The following SEZ6L variants were observed in gnomAD, a reference collection of about 807,000 sequenced individuals.
SEZ6L encodes seizure related 6 homolog like, also known as seizure 6-like protein.
In SEZ6L, 37 loss-of-function variants were observed where a neutral mutation model predicts 106.2. The ratio of observed to expected loss-of-function variants is 0.35; its 90% confidence interval spans 0.27 to 0.46. SEZ6L has a LOEUF of 0.46. SEZ6L is among the 20% of genes least tolerant of loss of function. SEZ6L has a pLI of 1.00. For missense variants in SEZ6L, 1,172 were observed against 1,332.8 expected (o/e 0.88, Z 1.88); for synonymous variants, 541 against 570.4 (o/e 0.95, Z 0.73).
At chr22:26,172,591 A>C (rs1938700125) in intron 1 of SEZ6L, among the ~76,000 whole-genome samples, 1 of 152,190 alleles carries the variant, frequency 6.6e-6, no homozygotes, top group African/African-American at 2.4e-5. Context: ...GGGGCGCTCC[A>C]AGATCTAGCT....
intron 9 of SEZ6L, among the ~76,000 whole-genome samples, chr22:26,327,033 G>T (rs62225711): frequency 0.1 from 15,629 of 152,132 alleles, 1,128 homozygotes; most frequent in Admixed American, 0.24. Context: ...CAGGGCTTTC[G>T]CCAGGGGAGG....
chr22:26,305,220 G>C (rs1393436893), intron 5 of SEZ6L, among the ~76,000 whole-genome samples: 7 of 152,098 alleles, frequency 4.6e-5, no homozygotes, highest in Admixed American at 4.6e-4. Context: ...ATTCATCTTG[G>C]TGTTTTTTTT....
rs1476256952 is a variant in SEZ6L at position 26,347,829 on chromosome 22, C to T, written c.2323C>T (p.Pro775Ser). 1 of 1,605,984 alleles carries T rather than the reference C, an allele frequency of 6.2e-7. No homozygotes were observed. Among genetic ancestry groups the T allele is most frequent in the Admixed American group, 1.7e-5 (1 of 58,130 alleles). ...AGCCAGAATCACCTACCAGTGTGAC[C>T]CCGGCTATGACATCGTGGGGAGTGA... ...RGARITYQCDPGYDIVGSDTL... is the reference protein window; with the variant it reads ...RGARITYQCDSGYDIVGSDTL... The change falls in exon 11 of 17, where the codon CCC (proline) becomes TCC (serine). Residue 775 changes from proline to serine, a missense_variant. Physicochemically the swap from Pro to Ser is moderately conservative, Grantham distance 74 (BLOSUM62 -1). This residue lies in a region of SEZ6L where 534 missense variants were observed against 691.0 expected (regional missense o/e 0.77). Transcript: ENST00000248933.
intron 9 of SEZ6L, among the ~76,000 whole-genome samples, chr22:26,328,851 G>C (rs565938479): frequency 6.6e-6 from 1 of 152,256 alleles, no homozygotes; most frequent in South Asian, 2.1e-4. Flanking sequence ...GTCAGGGCTG[G>C]GTCTCATTCA....
intron 6 of SEZ6L, among the ~76,000 whole-genome samples, chr22:26,307,194 A>T (rs1010701300): frequency 2.6e-5 from 4 of 152,170 alleles, no homozygotes; most frequent in Admixed American, 2.6e-4. Flanking sequence ...TGGATGAGAG[A>T]TGTGATGAGG....
chr22:26,374,500 G>A (rs2084150511), intron 14 of SEZ6L, among the ~76,000 whole-genome samples: 1 of 152,192 alleles, frequency 6.6e-6, no homozygotes, highest in Non-Finnish European at 1.5e-5. Context: ...GGCACTTCGT[G>A]TTAGTCTCCA....
intron 5 of SEZ6L, among the ~76,000 whole-genome samples, chr22:26,300,677 G>A (rs889671580): frequency 6.6e-5 from 10 of 152,278 alleles, no homozygotes; most frequent in African/African-American, 2.2e-4. Context: ...CCCAGTAATG[G>A]GATTGCTGGG....
At chr22:26,224,047 G>A (rs76037988) in intron 1 of SEZ6L, among the ~76,000 whole-genome samples, 3,659 of 152,146 alleles carry the variant, frequency 0.024, 150 homozygotes, top group African/African-American at 0.083. Context: ...GTGGGTTATC[G>A]TCATTGAATA....
intron 1 of SEZ6L, among the ~76,000 whole-genome samples, chr22:26,212,461 C>T (rs2078188707): frequency 2.6e-5 from 4 of 152,324 alleles, no homozygotes; most frequent in African/African-American, 7.2e-5. Flanking sequence ...CTCACTGTTT[C>T]ACCCAGGATA....
At chr22:26,308,896 C>T (rs537319039) in intron 6 of SEZ6L, among the ~76,000 whole-genome samples, 2 of 152,180 alleles carry the variant, frequency 1.3e-5, no homozygotes, top group African/African-American at 4.8e-5. Flanking sequence ...AGAGGTGTCC[C>T]AACACACAGC....
chr22:26,289,196 A>C (rs149962132), intron 1 of SEZ6L, among the ~76,000 whole-genome samples: 1 of 152,308 alleles, frequency 6.6e-6, no homozygotes, highest in East Asian at 1.9e-4. Context: ...GTTGTATCCA[A>C]GTACTTTGTG....
At chr22:26,204,391 G>A (rs918625311) in intron 1 of SEZ6L, among the ~76,000 whole-genome samples, 26 of 152,290 alleles carry the variant, frequency 1.7e-4, no homozygotes, top group Admixed American at 1.1e-3. Flanking sequence ...CTACATGCTA[G>A]TCATCGTTCT....
chr22:26,328,227 C>A (rs2082379679), intron 9 of SEZ6L, among the ~76,000 whole-genome samples: 1 of 152,264 alleles, frequency 6.6e-6, no homozygotes, highest in Non-Finnish European at 1.5e-5. Flanking sequence ...GCATAAGTGC[C>A]CTTTACTGAG....
chr22:26,331,472 T>C (rs1232409377), intron 9 of SEZ6L, among the ~76,000 whole-genome samples: 2 of 152,216 alleles, frequency 1.3e-5, no homozygotes, highest in African/African-American at 2.4e-5. Context: ...CTTTCTTATG[T>C]ATCTTACATA....
chr22:26,180,514 GTGTT>G (rs1368826336), intron 1 of SEZ6L, among the ~76,000 whole-genome samples: 1 of 152,220 alleles, frequency 6.6e-6, no homozygotes, highest in Non-Finnish European at 1.5e-5. Flanking sequence ...TGACTCAAAA[GTGTT>G]TGGACATAGA....
intron 1 of SEZ6L, among the ~76,000 whole-genome samples, chr22:26,181,062 G>T (rs1047073971): frequency 1.3e-5 from 2 of 152,168 alleles, no homozygotes; most frequent in Admixed American, 6.5e-5. Flanking sequence ...TGCAAAATGA[G>T]AATAGAATTC....
At chr22:26,239,130 G>A (rs183144056) in intron 1 of SEZ6L, among the ~76,000 whole-genome samples, 85 of 152,288 alleles carry the variant, frequency 5.6e-4, no homozygotes, top group African/African-American at 1.9e-3. Context: ...AGGCTGAGGC[G>A]GGAGGATTAC....
chr22:26,179,420 T>C (rs1450394744), intron 1 of SEZ6L, among the ~76,000 whole-genome samples: 2 of 152,134 alleles, frequency 1.3e-5, no homozygotes, highest in African/African-American at 4.8e-5. Flanking sequence ...AGACACACCT[T>C]ACCCCTTTCA....
At chr22:26,322,083 G>C (rs527677968) in intron 9 of SEZ6L, among the ~76,000 whole-genome samples, 1 of 152,262 alleles carries the variant, frequency 6.6e-6, no homozygotes, top group East Asian at 1.9e-4. Context: ...AGCTAATGTG[G>C]GTAGAGATAA....
Sources: gnomAD v4.1 joint callset for allele counts (sites outside exome capture counted in the v4.1 genomes callset) on GRCh38, gnomAD v4.1.1 for gene constraint, gnomAD v4.1.1 regional missense constraint, MANE v1.5 for transcripts, NCBI Gene and HGNC (gene_info 2026-07-23, HGNC 2026-07-21) for gene names.